Variants in TYW3 observed in about 807,000 individuals in gnomAD.
The protein encoded by TYW3 is tRNA-yW synthesizing protein 3 homolog.
Under a neutral mutation model 23.1 loss-of-function variants are expected in TYW3, and 26 were observed. The observed-to-expected ratio is 1.13, with a 90% CI of 0.83 to 1.56. TYW3 has a LOEUF of 1.56. TYW3 is among the 40% of genes most tolerant of loss of function. The pLI, the probability that TYW3 is intolerant of heterozygous loss-of-function variation, is 0.00. For missense variants in TYW3, 316 were observed against 311.9 expected (o/e 1.01, Z -0.10); for synonymous variants, 102 against 105.7 (o/e 0.97, Z 0.21).
chr1:74,760,277 GC>G (rs1251505851), intron 5 of TYW3, among the ~76,000 whole-genome samples: 1 of 152,108 alleles, frequency 6.6e-6, no homozygotes, highest in African/African-American at 2.4e-5. Flanking sequence ...AGAAGGAGAA[GC>G]AGGAATATTT....
rs187390113 is a variant in TYW3, at chr1:74,759,649, G to T, written c.561-4245G>T. On this transcript the variant is annotated intron_variant, in intron 5 of 5. Coordinates refer to ENST00000370867, the MANE Select transcript of TYW3 (RefSeq NM_138467.3). Reference sequence around the variant, plus strand: ...GTAGTTGAAAATCCACATGGCTTTTGTTGTTGTTGTTTTTGAGACAGGATC... The same window carrying T: ...GTAGTTGAAAATCCACATGGCTTTTTTTGTTGTTGTTTTTGAGACAGGATC... Among the ~76,000 whole-genome samples, 11 of 152,134 alleles carry T rather than the reference G, an allele frequency of 7.2e-5. No homozygotes were observed. The East Asian group carries it at 2.1e-3, about 29-fold the overall frequency.
rs565662200 is a variant in TYW3, at chr1:74,735,613, C to T, written c.175-929C>T. 2.6e-5 allele frequency among the ~76,000 whole-genome samples: 4 copies of T among 152,092 alleles called. No individual in the cohort carries two copies. The East Asian group carries it at 5.8e-4, about 22-fold the overall frequency. ...AAAGAAAATATAGATAAGATGAAGC[C>T]AGCGATGGCATTAGTTGCCAATCCC... On this transcript the variant is annotated intron_variant, in intron 1 of 5. Coordinates refer to ENST00000370867, the MANE Select transcript of TYW3 (RefSeq NM_138467.3).
intron 1 of TYW3, chr1:74,734,181 TAGTA>T (rs1648045133): frequency 6.6e-6 from 1 of 152,138 alleles, no homozygotes. Context: ...AATAAACAAT[TAGTA>T]AGTTTTAAAT....
In TYW3 at chr1:74,733,238, G is replaced by C. The variant is rs77779046; in HGVS notation, c.-7G>C. ...GGAGCCGAGCGCAGACCCTGAGTCC[G>C]TCACCCATGGATCGCAGCGCGGAGT... is the stretch of plus-strand genomic sequence containing the variant. On this transcript the variant is annotated 5_prime_UTR_variant, in exon 1 of 6. Transcript: ENST00000370867. 0.011 allele frequency: 18,234 copies of C among 1,613,550 alleles called. 146 individuals carry two copies. Among genetic ancestry groups the C allele is most frequent in the South Asian group, 0.02 (1,845 of 90,936 alleles).
intron 5 of TYW3, among the ~76,000 whole-genome samples, chr1:74,758,398 A>G (rs57508513): frequency 5.9e-5 from 9 of 151,900 alleles, no homozygotes; most frequent in South Asian, 2.1e-4. Context: ...TCTTGGTTCC[A>G]ATTCTTATCA....
At chr1:74,738,112 A>AT (rs1486453038) in intron 2 of TYW3, among the ~76,000 whole-genome samples, 2 of 150,760 alleles carry the variant, frequency 1.3e-5, no homozygotes, top group African/African-American at 4.9e-5. Flanking sequence ...ACAGGGAAAA[A>AT]AAAACAAACA....
chr1:74,736,619 T>A lies in TYW3; in HGVS notation c.252T>A (p.Asp84Glu). ...LVTHKLCVKD[D>E]VIVALKKANG... ...CACACAAACTTTGTGTAAAAGATGA[T>A]GTGGTAAGTTTTAAAAAATAAATTT... The change falls in exon 2 of 6, where the codon GAT becomes GAA. Residue 84 changes from aspartate to glutamate, a missense_variant. Asp to Glu is a conservative substitution (Grantham distance 45). Coordinates refer to ENST00000370867, the MANE Select transcript of TYW3 (RefSeq NM_138467.3). The A allele has an allele frequency of 6.3e-7, 1 of 1,589,874 alleles. No homozygotes were observed. The highest frequency in any genetic ancestry group is 8.6e-7 in the Non-Finnish European group (1 of 1,169,046).
intron 3 of TYW3, among the ~76,000 whole-genome samples, chr1:74,739,248 A>G (rs1466552306): frequency 6.6e-6 from 1 of 152,184 alleles, no homozygotes; most frequent in Admixed American, 6.5e-5. Context: ...AGCAACAATA[A>G]TGTATTGAGT....
chr1:74,757,118 C>G (rs917225798), intron 5 of TYW3, among the ~76,000 whole-genome samples: 53 of 152,326 alleles, frequency 3.5e-4, no homozygotes, highest in African/African-American at 1.3e-3. Flanking sequence ...AGAGGCGGGG[C>G]CCTCATGGAG....
At chr1:74,749,427 G>A (rs977421028) in intron 4 of TYW3, among the ~76,000 whole-genome samples, 1 of 151,322 alleles carries the variant, frequency 6.6e-6, no homozygotes, top group Admixed American at 6.6e-5. Context: ...CTGACCTTTC[G>A]ACTAGATGAT....
intron 4 of TYW3, 142 bp downstream of exon 4, chr1:74,748,964 C>G (rs976995141): frequency 1.2e-5 from 9 of 746,124 alleles, no homozygotes; most frequent in African/African-American, 1.8e-5. Context: ...GTGACTTACT[C>G]CTTCCTACAG....
chr1:74,736,433 C>A, intron 1 of TYW3, 109 bp from the exon 2 acceptor site: 1 of 717,074 alleles, frequency 1.4e-6, no homozygotes, highest in Non-Finnish European at 2.0e-6. Flanking sequence ...TACTTAAAAT[C>A]CTGACTTGGG....
At chr1:74,752,521 TTATC>T (rs78661049) in intron 5 of TYW3, 96 bp downstream of exon 5, 44,507 of 1,055,702 alleles carry the variant, frequency 0.042, 1,196 homozygotes, top group Non-Finnish European at 0.051. Context: ...TGCCAACTGC[TTATC>T]TATTTGTAGA....
chr1:74,753,483 A>C (rs1648858778), intron 5 of TYW3, among the ~76,000 whole-genome samples: 1 of 152,176 alleles, frequency 6.6e-6, no homozygotes, highest in African/African-American at 2.4e-5. Context: ...TGGCAGTGTA[A>C]AAGGGTGAAG....
intron 3 of TYW3, among the ~76,000 whole-genome samples, chr1:74,739,170 T>A (rs1272218226): frequency 6.6e-6 from 1 of 152,132 alleles, no homozygotes; most frequent in African/African-American, 2.4e-5. Flanking sequence ...GAGGTAAACA[T>A]CTGTTTAGTC....
In TYW3 at chr1:74,758,976, G is replaced by A. The variant is rs997083467; in HGVS notation, c.561-4918G>A. On this transcript the variant is annotated intron_variant, in intron 5 of 5. Transcript: ENST00000370867. ...CTTGAAAGTTAACACATTATATTGA[G>A]TTCTCCAAAGGCAAAAACAGTTTCT... Among the ~76,000 whole-genome samples, 3 of 152,274 alleles carry A rather than the reference G, an allele frequency of 2.0e-5. No homozygotes were observed. The South Asian group carries it at 6.2e-4, about 32-fold the overall frequency.
chr1:74,733,261 A>C lies in TYW3; in HGVS notation c.17A>C (p.Glu6Ala), dbSNP rs772873896. The C allele has an allele frequency of 3.1e-6, 5 of 1,613,988 alleles. No homozygotes were observed. The East Asian group carries it at 1.1e-4, about 36-fold the overall frequency. Residue 6 changes from glutamate to alanine, a missense_variant, in exon 1 of 6, where the codon GAG (glutamate) becomes GCG (alanine). By Grantham distance (107) the Glu-to-Ala change is moderately radical (BLOSUM62 -1). Coordinates refer to ENST00000370867, the MANE Select transcript of TYW3 (RefSeq NM_138467.3). ...CCGTCACCCATGGATCGCAGCGCGG[A>C]GTTCAGGAAATGGAAGGCGCAATGT... MDRSA[E>A]FRKWKAQCLS... is the part of the protein sequence containing the mutation.
chr1:74,757,966 C>G (rs756673095), intron 5 of TYW3, among the ~76,000 whole-genome samples: 2 of 152,166 alleles, frequency 1.3e-5, no homozygotes, highest in Non-Finnish European at 2.9e-5. Context: ...AAATCTCTTT[C>G]TTTTGTAAAT....
At chr1:74,744,827 A>T (rs1648500437) in intron 3 of TYW3, among the ~76,000 whole-genome samples, 1 of 152,086 alleles carries the variant, frequency 6.6e-6, no homozygotes, top group Admixed American at 6.5e-5. Context: ...TTGTGGGTTC[A>T]TGGTCTTGCT....
Sources: allele counts gnomAD v4.1 joint callset (sites outside exome capture counted in the v4.1 genomes callset), GRCh38; gene constraint gnomAD v4.1.1; transcripts MANE v1.5; gene names NCBI Gene and HGNC (gene_info 2026-07-23, HGNC 2026-07-21).